Variants in ATP13A4 observed in about 807,000 individuals in gnomAD.
ATP13A4 encodes probable cation-transporting ATPase 13A4.
Under a neutral mutation model 142.5 loss-of-function variants are expected in ATP13A4, and 114 were observed. The ratio of observed to expected loss-of-function variants is 0.80; its 90% CI spans 0.69 to 0.93. The LOEUF is 0.93. ATP13A4 is among the 40% of genes least tolerant of loss of function. ATP13A4 has a pLI of 0.00. For synonymous variants in ATP13A4, 488 were observed against 514.8 expected (o/e 0.95, Z 0.70); for missense variants, 1,392 against 1,454.0 (o/e 0.96, Z 0.69).
chr3:193,539,353 C>T (rs1722758740), intron 1 of ATP13A4, among the ~76,000 whole-genome samples: 1 of 152,198 alleles, frequency 6.6e-6, no homozygotes, highest in Non-Finnish European at 1.5e-5. Context: ...TGACTCCTAT[C>T]TACCAAGGCG....
At chr3:193,547,162 T>C (rs983836397) in intron 1 of ATP13A4, among the ~76,000 whole-genome samples, 2 of 152,202 alleles carry the variant, frequency 1.3e-5, no homozygotes, top group African/African-American at 4.8e-5. Flanking sequence ...ATTAAATCCA[T>C]TTTTTACTCA....
intron 25 of ATP13A4, among the ~76,000 whole-genome samples, chr3:193,416,746 C>T (rs1715084238): frequency 2.0e-5 from 3 of 151,782 alleles, no homozygotes; most frequent in Admixed American, 2.0e-4. Context: ...AACAAGCAGA[C>T]CAACATGTAC....
Position 193,465,008 on chromosome 3 carries a change from C to G in ATP13A4, c.1393G>C (p.Gly465Arg). 1 of 1,614,112 alleles carries G rather than the reference C, an allele frequency of 6.2e-7. No individual in the cohort carries two copies. The change falls in exon 12 of 30, where the codon GGC becomes CGC. Residue 465 changes from glycine (G) to arginine (R), a missense_variant. By Grantham distance (125) the Gly-to-Arg change is moderately radical. Coordinates refer to ENST00000342695, the MANE Select transcript of ATP13A4 (RefSeq NM_032279.4). ...CTCTGGGGGCTAATGCAGAAGATGC[C>G]TCTCTTCTTCAGCCTCCTCTGGGCA... ...IYAQRRLKKR[G>R]IFCISPQRIN...
intron 1 of ATP13A4, among the ~76,000 whole-genome samples, chr3:193,543,246 C>T (rs1181312609): frequency 1.3e-5 from 2 of 150,986 alleles, no homozygotes; most frequent in Non-Finnish European, 2.9e-5. Flanking sequence ...ATGACAAAAA[C>T]TTCAAAAGCA....
intron 2 of ATP13A4, among the ~76,000 whole-genome samples, chr3:193,503,038 AG>A (rs577841644): frequency 2.9e-4 from 42 of 145,588 alleles, no homozygotes; most frequent in Admixed American, 8.1e-4. Flanking sequence ...GGGGCGGGGC[AG>A]GGGGGGGAAC....
chr3:193,486,824 GA>G (rs1401529222), intron 7 of ATP13A4, among the ~76,000 whole-genome samples: 16 of 152,028 alleles, frequency 1.1e-4, no homozygotes, highest in Non-Finnish European at 2.1e-4. Context: ...GCACTTACAT[GA>G]AAAGATCCTC....
intron 29 of ATP13A4, among the ~76,000 whole-genome samples, 181 bp downstream of exon 29, chr3:193,407,132 C>T (rs1714537298): frequency 6.6e-6 from 1 of 152,158 alleles, no homozygotes; most frequent in Admixed American, 6.5e-5. Context: ...GATGAGAAAA[C>T]TAACGTCCTG....
intron 2 of ATP13A4, among the ~76,000 whole-genome samples, chr3:193,573,303 A>ATGTG (rs1454825709): frequency 2.0e-5 from 2 of 99,276 alleles, no homozygotes; most frequent in African/African-American, 7.4e-5. Context: ...ATATATATAT[A>ATGTG]TATACATATA....
chr3:193,536,627 T>C (rs988265615), intron 1 of ATP13A4, among the ~76,000 whole-genome samples: 1 of 152,046 alleles, frequency 6.6e-6, no homozygotes, highest in Non-Finnish European at 1.5e-5. Context: ...AACATTGTTC[T>C]AGAATTTGTA....
At chr3:193,575,521 G>A (rs1359297922) in intron 2 of ATP13A4, among the ~76,000 whole-genome samples, 1 of 152,142 alleles carries the variant, frequency 6.6e-6, no homozygotes, top group African/African-American at 2.4e-5. Context: ...AGCAATGGAG[G>A]AGAAGTGAGA....
intron 11 of ATP13A4, 60 bp from the exon 12 acceptor site, chr3:193,465,188 C>A: frequency 1.9e-6 from 3 of 1,545,798 alleles, no homozygotes; most frequent in South Asian, 1.2e-5. Flanking sequence ...GCATATGACT[C>A]TTTGCCTTTT....
chr3:193,511,546 C>G (rs1246346105), intron 2 of ATP13A4, among the ~76,000 whole-genome samples: 1 of 152,172 alleles, frequency 6.6e-6, no homozygotes, highest in Admixed American at 6.5e-5. Context: ...ATAGCAAGCT[C>G]TTTTGTATAG....
rs367736773 is a variant in ATP13A4, at chr3:193,513,319, A to G, written c.234+1379T>C. Among the ~76,000 whole-genome samples the G allele has an allele frequency of 8.4e-4, 128 of 152,336 alleles. 1 individual carries two copies. The highest frequency in any genetic ancestry group is 2.9e-3 in the African/African-American group (120 of 41,586). On this transcript the variant is annotated intron_variant, in intron 2 of 29. Transcript: ENST00000342695. ...TCTCTCTTACTGCATTAAATAGAAT[A>G]TGTATCTAGAGAGATTGTAATATAT...
intron 21 of ATP13A4, chr3:193,440,052 C>G (rs1316403204): frequency 5.9e-6 from 1 of 168,570 alleles, no homozygotes; most frequent in Non-Finnish European, 1.3e-5. Context: ...GAATGGAGAC[C>G]CTTTGTGTTA....
chr3:193,564,686 G>A (rs900695384), intron 2 of ATP13A4, among the ~76,000 whole-genome samples: 1 of 152,134 alleles, frequency 6.6e-6, no homozygotes, highest in African/African-American at 2.4e-5. Context: ...AGATAGTTTG[G>A]GCTCTAATTA....
chr3:193,410,564 A>T (rs114123298), intron 28 of ATP13A4, among the ~76,000 whole-genome samples: 3,650 of 152,096 alleles, frequency 0.024, 97 homozygotes, highest in African/African-American at 0.067. Flanking sequence ...ATTTTTTTTT[A>T]AAAAATTAGC....
chr3:193,424,704 C>T (rs937750393), intron 25 of ATP13A4, among the ~76,000 whole-genome samples: 3 of 149,274 alleles, frequency 2.0e-5, no homozygotes, highest in Non-Finnish European at 4.5e-5. Context: ...ATGTAAAACT[C>T]GAAACTATAA....
At chr3:193,546,898 A>G (rs1246865295) in intron 1 of ATP13A4, among the ~76,000 whole-genome samples, 3 of 152,312 alleles carry the variant, frequency 2.0e-5, no homozygotes, top group East Asian at 3.9e-4. Context: ...ATAAATTACT[A>G]TGTGTAAAGT....
At chr3:193,570,990 G>T (rs1724250163) in intron 2 of ATP13A4, among the ~76,000 whole-genome samples, 1 of 152,082 alleles carries the variant, frequency 6.6e-6, no homozygotes, top group Admixed American at 6.6e-5. Context: ...TAGAAAATAA[G>T]TATCTGGCCA....
Sources: allele counts gnomAD v4.1 joint callset (sites outside exome capture counted in the v4.1 genomes callset), GRCh38; gene constraint gnomAD v4.1.1; transcripts MANE v1.5; gene names NCBI Gene and HGNC (gene_info 2026-07-23, HGNC 2026-07-21).